Variants in CSMD1 observed in about 807,000 individuals in gnomAD.
CSMD1 encodes the protein CUB and sushi domain-containing protein 1.
A neutral mutation model predicts 417.5 loss-of-function variants in CSMD1; 213 were observed. The ratio of observed to expected loss-of-function variants is 0.51; its 90% confidence interval spans 0.46 to 0.57. The LOEUF is 0.57. Among genes scored for constraint, CSMD1 ranks in the 20% least tolerant of loss-of-function variants. The pLI is 0.00. For synonymous variants in CSMD1, 2,862 were observed against 1,736.8 expected, an observed-to-expected ratio of 1.65 and a Z score of -16.11; for missense variants, 6,923 against 4,529.7, an observed-to-expected ratio of 1.53 and a Z score of -15.17.
chr8:4,068,193 G>C (rs946008103), intron 3 of CSMD1, among the ~76,000 whole-genome samples: 1 of 152,124 alleles, frequency 6.6e-6, no homozygotes, highest in Admixed American at 6.5e-5. Context: ...GTGGCAGAAG[G>C]GCAGAAAAAT....
intron 7 of CSMD1, among the ~76,000 whole-genome samples, chr8:3,635,793 C>CAAAAAAA (rs752552617): frequency 1.8e-4 from 18 of 99,226 alleles, no homozygotes; most frequent in African/African-American, 4.1e-4. Flanking sequence ...GCTTCCATCT[C>CAAAAAAA]AAAAAAAAAA....
intron 3 of CSMD1, among the ~76,000 whole-genome samples, chr8:4,284,363 C>T (rs1279963630): frequency 6.7e-6 from 1 of 148,320 alleles, no homozygotes; most frequent in Non-Finnish European, 1.5e-5. Flanking sequence ...AGAGAAACTA[C>T]AACCCCCCCC....
At chr8:3,388,132 C>A (rs1301478987) in intron 17 of CSMD1, among the ~76,000 whole-genome samples, 3 of 152,134 alleles carry the variant, frequency 2.0e-5, no homozygotes, top group Non-Finnish European at 2.9e-5. Flanking sequence ...TAAATGCATA[C>A]ATACACCCAA....
intron 1 of CSMD1, among the ~76,000 whole-genome samples, chr8:4,708,453 T>C (rs566686351): frequency 1.8e-4 from 27 of 152,304 alleles, no homozygotes; most frequent in African/African-American, 4.8e-4. Context: ...GAAACAAATA[T>C]AGGAACAATG....
At chr8:3,811,126 T>C (rs984130680) in intron 5 of CSMD1, among the ~76,000 whole-genome samples, 2 of 152,194 alleles carry the variant, frequency 1.3e-5, no homozygotes, top group East Asian at 1.9e-4. Flanking sequence ...TGTACCTATG[T>C]CCATAACTCC....
chr8:3,664,333 T>C (rs1798572044), intron 7 of CSMD1, among the ~76,000 whole-genome samples: 1 of 152,166 alleles, frequency 6.6e-6, no homozygotes, highest in Non-Finnish European at 1.5e-5. Context: ...GTTTTCCAGC[T>C]TCATCTTAAA....
chr8:3,496,083 G>C (rs935536136), intron 10 of CSMD1, among the ~76,000 whole-genome samples: 7 of 152,062 alleles, frequency 4.6e-5, no homozygotes, highest in Admixed American at 2.0e-4. Flanking sequence ...AATAGGCTCC[G>C]ATGTGTGTTG....
intron 3 of CSMD1, among the ~76,000 whole-genome samples, chr8:4,298,141 T>C (rs1263503568): frequency 5.3e-5 from 8 of 152,116 alleles, no homozygotes; most frequent in Non-Finnish European, 1.0e-4. Context: ...TATTCAAAAA[T>C]GGTATAGAAG....
intron 3 of CSMD1, among the ~76,000 whole-genome samples, chr8:4,380,187 C>T (rs982444093): frequency 6.6e-6 from 1 of 152,148 alleles, no homozygotes; most frequent in Non-Finnish European, 1.5e-5. Flanking sequence ...TAGGAGGGCT[C>T]CCAGTTACTT....
Position 4,722,271 on chromosome 8 carries a change from T to C in CSMD1, c.86-84713A>G, listed in dbSNP as rs150898097. 7.2e-5 allele frequency among the ~76,000 whole-genome samples: 11 copies of C among 152,274 alleles called. No homozygotes were observed. The South Asian group carries it at 2.1e-3, about 29-fold the overall frequency. On this transcript the variant is annotated intron_variant, in intron 1 of 69. Transcript: ENST00000635120. ...ATGCATATCAAGCTATCATATTATA[T>C]TCCTTAAATACAGACTGCAAGAAAG...
At chr8:3,949,166 C>T (rs1012295326) in intron 5 of CSMD1, among the ~76,000 whole-genome samples, 14 of 152,286 alleles carry the variant, frequency 9.2e-5, no homozygotes, top group Admixed American at 2.6e-4. Context: ...AGCTAATTAA[C>T]ATATGCATTG....
At chr8:4,709,673 A>G (rs1479431931) in intron 1 of CSMD1, among the ~76,000 whole-genome samples, 2 of 152,176 alleles carry the variant, frequency 1.3e-5, no homozygotes, top group East Asian at 3.9e-4. Context: ...ATGAATGTTT[A>G]ACCTACTCTG....
intron 3 of CSMD1, among the ~76,000 whole-genome samples, chr8:4,063,227 T>A (rs1342644051): frequency 6.6e-6 from 1 of 152,022 alleles, no homozygotes; most frequent in Non-Finnish European, 1.5e-5. Flanking sequence ...GTGTGCATAT[T>A]TCAAAATATC....
At chr8:3,873,913 G>A (rs1433231983) in intron 5 of CSMD1, among the ~76,000 whole-genome samples, 1 of 152,136 alleles carries the variant, frequency 6.6e-6, no homozygotes, top group Non-Finnish European at 1.5e-5. Context: ...TGATCTTGGA[G>A]ACAACTAGAT....
intron 2 of CSMD1, among the ~76,000 whole-genome samples, chr8:4,620,068 A>G (rs1286822696): frequency 6.6e-6 from 1 of 152,022 alleles, no homozygotes; most frequent in African/African-American, 2.4e-5. Context: ...ATTTATTAAC[A>G]CAATAAATAC....
At chr8:3,227,426 A>G (rs1246833492) in intron 27 of CSMD1, among the ~76,000 whole-genome samples, 1 of 152,164 alleles carries the variant, frequency 6.6e-6, no homozygotes, top group Non-Finnish European at 1.5e-5. Context: ...ACACGTTTTA[A>G]AAGTCCGAGA....
At chr8:4,932,537 T>C (rs1235530900) in intron 1 of CSMD1, among the ~76,000 whole-genome samples, 2 of 152,132 alleles carry the variant, frequency 1.3e-5, no homozygotes, top group African/African-American at 4.8e-5. Context: ...TAGAAGCTAA[T>C]AGAAAATAAA....
chr8:4,050,824 C>T (rs1319729505), intron 3 of CSMD1, among the ~76,000 whole-genome samples: 12 of 152,082 alleles, frequency 7.9e-5, no homozygotes, highest in Admixed American at 4.6e-4. Context: ...ATCTCAAGTG[C>T]CAATTTTTAA....
At chr8:3,390,789 T>C (rs1196028751) in intron 17 of CSMD1, among the ~76,000 whole-genome samples, 3 of 152,094 alleles carry the variant, frequency 2.0e-5, no homozygotes, top group Admixed American at 6.6e-5. Context: ...ATGAGCAGGG[T>C]TCTGTATGAA....
Sources: allele counts gnomAD v4.1 joint callset (sites outside exome capture counted in the v4.1 genomes callset), GRCh38; gene constraint gnomAD v4.1.1; transcripts MANE v1.5; gene names NCBI Gene and HGNC (gene_info 2026-07-23, HGNC 2026-07-21).